The following MYLK2 variants were observed in gnomAD, a reference collection of about 807,000 sequenced individuals.
MYLK2 encodes myosin light chain kinase 2, skeletal/cardiac muscle.
In MYLK2, 27 loss-of-function variants were observed where a neutral mutation model predicts 58.2. That is an observed-to-expected ratio of 0.46 (90% CI 0.34 to 0.64). MYLK2 has a LOEUF of 0.64. Among genes scored for constraint, MYLK2 ranks in the 30% least tolerant of loss-of-function variants. MYLK2 has a pLI of 0.01. For synonymous variants in MYLK2, 310 were observed against 296.7 expected (o/e 1.04, Z -0.46); for missense variants, 676 against 764.3 (o/e 0.88, Z 1.36).
chr20:31,821,396 C>CT, intron 3 of MYLK2, 43 bp from the exon 4 acceptor site: 2 of 1,610,634 alleles, frequency 1.2e-6, no homozygotes, highest in Non-Finnish European at 1.7e-6. Context: ...ATGCCACAGG[C>CT]TGTGGCCGCT....
At chr20:31,824,117 G>C (rs1425119658) in intron 5 of MYLK2, 142 bp from the exon 6 acceptor site, 41 of 1,519,172 alleles carry the variant, frequency 2.7e-5, no homozygotes, top group Non-Finnish European at 3.5e-5. Context: ...AGTCAGGGCT[G>C]GCTGGGGTGA....
intron 12 of MYLK2, among the ~76,000 whole-genome samples, chr20:31,832,967 A>AGTCTTG (rs1170257570): frequency 6.6e-6 from 1 of 152,150 alleles, no homozygotes; most frequent in Admixed American, 6.5e-5. Flanking sequence ...GGCTCACTGT[A>AGTCTTG]GTCTTGACCT....
At chr20:31,829,924 C>A (rs1369951143) in intron 8 of MYLK2, among the ~76,000 whole-genome samples, 1 of 152,162 alleles carries the variant, frequency 6.6e-6, no homozygotes, top group Non-Finnish European at 1.5e-5. Flanking sequence ...TACTGGGTGC[C>A]TTTGTTAGAC....
chr20:31,823,852 G>A (rs2062264836), intron 5 of MYLK2: 1 of 744,992 alleles, frequency 1.3e-6, no homozygotes. Flanking sequence ...TCAGCTCCAG[G>A]CACCACACTG....
At chr20:31,828,145 C>T in intron 8 of MYLK2, 1 of 982,670 alleles carries the variant, frequency 1.0e-6, no homozygotes, top group Non-Finnish European at 1.2e-6. Flanking sequence ...GCCTCAGCCT[C>T]CCAAAGTGCT....
Position 31,823,481 on chromosome 20 carries a change from T to C in MYLK2, c.777T>C (p.Asp259=), listed in dbSNP as rs2062261680. The C allele has an allele frequency of 6.2e-7, 1 of 1,612,654 alleles. No individual in the cohort carries two copies. Among genetic ancestry groups the C allele is most frequent in the African/African-American group, 1.3e-5 (1 of 74,924 alleles). ...REEDCFQILD[D]CPPPPAPFPH... ...GGGCTGTGCTCTGTCCCCCAGATGATTGCCCGCCACCTCCGGCCCCCTTCC... is the reference window on the plus strand; with the variant it reads ...GGGCTGTGCTCTGTCCCCCAGATGACTGCCCGCCACCTCCGGCCCCCTTCC... Residue 259 remains aspartate (D), a synonymous_variant, in exon 5 of 13, where the codon GAT becomes GAC. Transcript: ENST00000375985.
At chr20:31,822,827 G>GT (rs2062257959) in intron 4 of MYLK2, among the ~76,000 whole-genome samples, 1 of 151,980 alleles carries the variant, frequency 6.6e-6, no homozygotes, top group East Asian at 1.9e-4. Context: ...GCATCCTAGA[G>GT]TGACAGGATC....
intron 6 of MYLK2, among the ~76,000 whole-genome samples, 186 bp from the exon 7 acceptor site, chr20:31,826,419 C>T (rs2062279799): frequency 6.6e-6 from 1 of 150,576 alleles, no homozygotes; most frequent in African/African-American, 2.5e-5. Context: ...GAAGATGTCC[C>T]AGCAGGCATG....
Position 31,833,923 on chromosome 20 carries a change from G to C in MYLK2, c.*126G>C. On this transcript the variant is annotated 3_prime_UTR_variant, in exon 13 of 13. Transcript: ENST00000375985. ...CCTCGTTAGGACAAGGCTGTGCCAG[G>C]CTGGGAGGCTCGGGGCTCCCCACGC... 1 of 881,518 alleles carries C rather than the reference G, an allele frequency of 1.1e-6. No homozygotes were observed. Among genetic ancestry groups the C allele is most frequent in the Non-Finnish European group, 1.8e-6 (1 of 560,618 alleles). 54.6% of individuals were successfully genotyped at this position (881,518 alleles called of 1,614,324 possible).
rs1009878332 is a variant in MYLK2 at position 31,833,585 on chromosome 20, C to G, written c.1711-132C>G. 4 of 807,348 alleles carry G rather than the reference C, an allele frequency of 5.0e-6. No individual in the cohort carries two copies. In the East Asian group the frequency reaches 7.6e-5, roughly 15 times the overall value. The allele number at this position is 807,348 out of a possible 1,614,324, so 50.0% of individuals were successfully genotyped here. A position where few individuals can be genotyped will look rare whatever the true frequency, so the allele number is the denominator to read the frequency against. On this transcript the variant is annotated intron_variant, in intron 12 of 12. Coordinates refer to ENST00000375985, the MANE Select transcript of MYLK2 (RefSeq NM_033118.4). The stretch of plus-strand genomic sequence containing the variant: ...TACAGTGTCATGGCGCCTCCCGTGG[C>G]CATTTTGGGCACTGCACCTTCTCTA...
Position 31,831,784 on chromosome 20 carries a change from T to C in MYLK2, c.1506T>C (p.Asp502=). ...TTCTATCTGGCAACTGGTACTTTGA[T>C]GAAGAGACCTTTGAGGCCGTATCAG... is the stretch of plus-strand genomic sequence containing the variant. The part of the protein sequence containing the change: ...NNVLSGNWYF[D]EETFEAVSDE... The change falls in exon 11 of 13, where the codon GAT becomes GAC. Residue 502 remains aspartate (D), a synonymous_variant. Coordinates refer to ENST00000375985, the MANE Select transcript of MYLK2 (RefSeq NM_033118.4). The C allele has an allele frequency of 6.2e-7, 1 of 1,614,076 alleles. No homozygotes were observed. Among genetic ancestry groups the C allele is most frequent in the Non-Finnish European group, 8.5e-7 (1 of 1,180,006 alleles).
chr20:31,825,063 A>T (rs576469233), intron 6 of MYLK2, among the ~76,000 whole-genome samples: 2 of 152,146 alleles, frequency 1.3e-5, no homozygotes, highest in African/African-American at 4.8e-5. Context: ...ATGGGAGGAA[A>T]GGCTCGAGGG....
chr20:31,820,186 C>A lies in MYLK2; in HGVS notation c.113C>A (p.Pro38His), dbSNP rs748682977. ...CTGGCTGCAGGGAAAGACCCTGGCC[C>A]CCCAGACCCAAAGAAAGCTCCGGAT... ...RPLAAGKDPG[P>H]PDPKKAPDPP... The change falls in exon 3 of 13, where the codon CCC (proline) becomes CAC (histidine). Residue 38 changes from proline (P) to histidine (H), a missense_variant. Pro to His is a moderately conservative substitution (Grantham distance 77, BLOSUM62 -2). Coordinates refer to ENST00000375985, the MANE Select transcript of MYLK2 (RefSeq NM_033118.4). 1.2e-6 allele frequency: 2 copies of A among 1,613,920 alleles called. No individual in the cohort carries two copies. Among genetic ancestry groups the A allele is most frequent in the African/African-American group, 1.3e-5 (1 of 74,938 alleles).
chr20:31,829,390 T>G (rs981204384), intron 8 of MYLK2, among the ~76,000 whole-genome samples: 9 of 150,714 alleles, frequency 6.0e-5, no homozygotes, highest in Non-Finnish European at 1.3e-4. Flanking sequence ...AAAGGAAATT[T>G]GAGTCTGCTT....
intron 4 of MYLK2, among the ~76,000 whole-genome samples, chr20:31,822,725 G>A (rs538536727): frequency 6.6e-5 from 10 of 152,252 alleles, no homozygotes; most frequent in Admixed American, 4.6e-4. Flanking sequence ...GTGCCACCCA[G>A]ACAGGGTGGG....
chr20:31,819,694 C>T, intron 2 of MYLK2, 62 bp downstream of exon 2: 1 of 1,536,722 alleles, frequency 6.5e-7, no homozygotes, highest in East Asian at 2.4e-5. Flanking sequence ...GAATCCAGGA[C>T]TGGGCAGGTT....
chr20:31,826,887 T>A lies in MYLK2; in HGVS notation c.1173T>A (p.Cys391Ter). The part of the protein sequence containing the change: ...VDTMVFVRQI[C>*]DGILFMHKMR... The stretch of plus-strand genomic sequence containing the variant: ...CCATGGTGTTTGTCAGGCAGATCTG[T>A]GACGGGATCCTCTTCATGCACAAGA... Residue 391 changes from cysteine to a stop codon, truncating the protein, a stop_gained, in exon 8 of 13, where the codon TGT becomes TGA. Transcript: ENST00000375985. LOFTEE classifies it high-confidence loss of function. 5.0e-6 allele frequency: 8 copies of A among 1,614,126 alleles called. No individual in the cohort carries two copies. Among genetic ancestry groups the A allele is most frequent in the Non-Finnish European group, 5.9e-6 (7 of 1,180,018 alleles).
At chr20:31,820,024 T>C in intron 2 of MYLK2, 102 bp from the exon 3 acceptor site, 3 of 1,468,314 alleles carry the variant, frequency 2.0e-6, no homozygotes, top group Non-Finnish European at 2.9e-6. Context: ...TGCAAGTTGT[T>C]GCCTGGGTGG....
chr20:31,822,403 G>A (rs553957733), intron 4 of MYLK2, among the ~76,000 whole-genome samples: 1 of 152,170 alleles, frequency 6.6e-6, no homozygotes, highest in South Asian at 2.1e-4. Context: ...GGGCTCATGC[G>A]CTGAGGAGCA....
Sources: gnomAD v4.1 joint callset for allele counts (sites outside exome capture counted in the v4.1 genomes callset) on GRCh38, gnomAD v4.1.1 for gene constraint, MANE v1.5 for transcripts, NCBI Gene and HGNC (gene_info 2026-07-23, HGNC 2026-07-21) for gene names.